Variants in ESRRG observed in about 807,000 individuals in gnomAD.
ESRRG encodes estrogen-related receptor gamma.
In ESRRG, 13 loss-of-function variants were observed where a neutral mutation model predicts 44.0. The ratio of observed to expected loss-of-function variants is 0.30; its 90% CI spans 0.19 to 0.47. The LOEUF is 0.47. Among genes scored for constraint, ESRRG ranks in the 20% least tolerant of loss-of-function variants. The pLI, the probability that ESRRG is intolerant of heterozygous loss-of-function variation, is 1.00. For synonymous variants in ESRRG, 215 were observed against 214.6 expected, an observed-to-expected ratio of 1.00 and a Z score of -0.02; for missense variants, 395 against 580.6, an observed-to-expected ratio of 0.68 and a Z score of 3.29.
At chr1:216,539,809 T>G (rs1483338404) in intron 5 of ESRRG, among the ~76,000 whole-genome samples, 1 of 152,062 alleles carries the variant, frequency 6.6e-6, no homozygotes, top group Non-Finnish European at 1.5e-5. Flanking sequence ...TCAAAATATA[T>G]TAGCTTGTTG....
At chr1:216,729,406 A>T (rs1050856614) in intron 2 of ESRRG, among the ~76,000 whole-genome samples, 2 of 152,208 alleles carry the variant, frequency 1.3e-5, no homozygotes, top group Admixed American at 6.5e-5. Flanking sequence ...ACAAAATTTT[A>T]AAACTGAACA....
At chr1:216,945,361 G>A (rs1013590166) in intron 1 of ESRRG, among the ~76,000 whole-genome samples, 1 of 152,050 alleles carries the variant, frequency 6.6e-6, no homozygotes, top group Non-Finnish European at 1.5e-5. Context: ...GTAACATGAT[G>A]CTTCCTTTGT....
intron 2 of ESRRG, among the ~76,000 whole-genome samples, chr1:216,729,222 C>T (rs534816722): frequency 1.1e-4 from 16 of 152,298 alleles, no homozygotes; most frequent in African/African-American, 3.6e-4. Flanking sequence ...TGATCCCGTG[C>T]GCTGAGGAAA....
intron 2 of ESRRG, among the ~76,000 whole-genome samples, chr1:216,655,475 G>T (rs571541584): frequency 6.6e-6 from 1 of 152,226 alleles, no homozygotes; most frequent in East Asian, 1.9e-4. Context: ...GTAAAGAAAT[G>T]ACTACACTGG....
intron 2 of ESRRG, among the ~76,000 whole-genome samples, chr1:216,787,790 A>G (rs2148016597): frequency 6.6e-6 from 1 of 152,212 alleles, no homozygotes; most frequent in East Asian, 1.9e-4. Flanking sequence ...TTGTGAATGT[A>G]AAGCAAAAGT....
intron 2 of ESRRG, among the ~76,000 whole-genome samples, chr1:216,747,972 G>T (rs2091600248): frequency 6.6e-6 from 1 of 152,068 alleles, no homozygotes; most frequent in South Asian, 2.1e-4. Context: ...TTGTATAAAG[G>T]TTAATTCTAT....
At position 217,023,989 on chromosome 1, in the gene ESRRG, A is replaced by G. The variant is rs191438185; in HGVS notation, c.-106+65518T>C. Among the ~76,000 whole-genome samples, 7 of 152,350 alleles carry G rather than the reference A, an allele frequency of 4.6e-5. No homozygotes were observed. In the East Asian group the frequency reaches 1.4e-3, roughly 29 times the overall value. On this transcript the variant is annotated intron_variant, in intron 1 of 7. Coordinates refer to the ESRRG transcript ENST00000359162. Reference sequence around the variant, plus strand: ...AGGAAATTCAAGATATCGTAAACCTAAAAGATACATTTGAAACACAAAATG... The same window carrying G: ...AGGAAATTCAAGATATCGTAAACCTGAAAGATACATTTGAAACACAAAATG...
At chr1:217,115,291 A>G (rs1437240812) in intron 1 of ESRRG, among the ~76,000 whole-genome samples, 1 of 152,182 alleles carries the variant, frequency 6.6e-6, no homozygotes, top group Non-Finnish European at 1.5e-5. Context: ...AGGACATGCC[A>G]TGTGGCTCCT....
intron 2 of ESRRG, among the ~76,000 whole-genome samples, chr1:216,935,510 G>A (rs1230332823): frequency 6.6e-6 from 1 of 152,154 alleles, no homozygotes; most frequent in Non-Finnish European, 1.5e-5. Context: ...TATGGGAAGG[G>A]GCACGGGGTT....
rs556674046 is a variant in ESRRG at position 216,520,816 on chromosome 1, C to T, written c.863-1395G>A. Among the ~76,000 whole-genome samples, 5 of 152,254 alleles carry T rather than the reference C, an allele frequency of 3.3e-5. No homozygotes were observed. The South Asian group carries it at 1.0e-3, about 32-fold the overall frequency. On this transcript the variant is annotated intron_variant, in intron 5 of 6. Coordinates refer to ENST00000408911, the MANE Select transcript of ESRRG (RefSeq NM_001438.4). The stretch of plus-strand genomic sequence containing the variant: ...CCTTTCTAGACATTATTATCCAAAT[C>T]ATAAGTAGCCACTGATGCCCAACCT...
chr1:216,927,442 C>T (rs1489174375), intron 2 of ESRRG, among the ~76,000 whole-genome samples: 2 of 152,104 alleles, frequency 1.3e-5, no homozygotes, highest in African/African-American at 4.8e-5. Flanking sequence ...TGCAAAGTGA[C>T]CAGTGAGAAT....
At chr1:216,942,279 T>C (rs2065370275) in intron 1 of ESRRG, among the ~76,000 whole-genome samples, 2 of 152,202 alleles carry the variant, frequency 1.3e-5, no homozygotes, top group Non-Finnish European at 1.5e-5. Context: ...TATTCCATAT[T>C]CTATAGGTAC....
chr1:216,813,818 A>G (rs2095050294), intron 2 of ESRRG, among the ~76,000 whole-genome samples: 1 of 152,174 alleles, frequency 6.6e-6, no homozygotes, highest in Admixed American at 6.6e-5. Flanking sequence ...TCGGGGGGAC[A>G]TCACTCAGAA....
intron 2 of ESRRG, among the ~76,000 whole-genome samples, chr1:216,772,341 C>T (rs753922690): frequency 6.6e-6 from 1 of 152,126 alleles, no homozygotes; most frequent in Non-Finnish European, 1.5e-5. Context: ...ACTCTGCTCT[C>T]TCTTTCTCTA....
rs72420221 is a variant in ESRRG at position 216,682,709 on chromosome 1, A to AGTGTGTGTGTGTGTGTGTGTGTGTGT, written c.57-5244_57-5219dup. ...AAATAAAAAGCTCTTAATACTCTAT[A>AGTGTGTGTGTGTGTGTGTGTGTGTGT]GTGTGTGTGTGTGTGTGTGTGTGTG... On this transcript the variant is annotated intron_variant, in intron 1 of 6. Transcript: ENST00000408911. 4.5e-3 allele frequency among the ~76,000 whole-genome samples: 658 copies of AGTGTGTGTGTGTGTGTGTGTGTGTGT among 144,720 alleles called. 4 individuals carry two copies. The highest frequency in any genetic ancestry group is 5.8e-3 in the Admixed American group (84 of 14,488). 94.9% of individuals were successfully genotyped at this position (144,720 alleles called of 152,430 possible). A position where few individuals can be genotyped will look rare whatever the true frequency, so the allele number is the denominator to read the frequency against.
At chr1:217,049,210 A>G (rs192435004) in intron 1 of ESRRG, among the ~76,000 whole-genome samples, 4 of 152,210 alleles carry the variant, frequency 2.6e-5, no homozygotes, top group Non-Finnish European at 5.9e-5. Flanking sequence ...CCTGACCAGG[A>G]TTTTCATCTC....
intron 2 of ESRRG, among the ~76,000 whole-genome samples, chr1:216,785,126 T>C (rs2094079610): frequency 6.6e-6 from 1 of 152,052 alleles, no homozygotes; most frequent in African/African-American, 2.4e-5. Context: ...AAATCAAATT[T>C]CTTTAGAATT....
chr1:216,942,561 C>A, intron 1 of ESRRG, among the ~76,000 whole-genome samples: 1 of 152,174 alleles, frequency 6.6e-6, no homozygotes, highest in Admixed American at 6.6e-5. Context: ...TTCTCCACAA[C>A]CCCACAAACA....
intron 2 of ESRRG, among the ~76,000 whole-genome samples, chr1:216,886,819 G>T (rs183882935): frequency 6.6e-6 from 1 of 152,134 alleles, no homozygotes; most frequent in Non-Finnish European, 1.5e-5. Flanking sequence ...GGCCTCCTGG[G>T]CTCAGGTGAT....
Sources: allele counts gnomAD v4.1 joint callset (sites outside exome capture counted in the v4.1 genomes callset), GRCh38; gene constraint gnomAD v4.1.1; transcripts MANE v1.5; gene names NCBI Gene and HGNC (gene_info 2026-07-23, HGNC 2026-07-21).